Variants in GALNT7 observed in about 807,000 individuals in gnomAD.
GALNT7 encodes polypeptide N-acetylgalactosaminyltransferase 7, also known as N-acetylgalactosaminyltransferase 7.
GALNT7 carries 60 observed loss-of-function variants against 82.1 expected under a neutral mutation model. That is an observed-to-expected ratio of 0.73 (90% CI 0.59 to 0.91). GALNT7 has a LOEUF of 0.91. Ranked by LOEUF, GALNT7 falls within the 40% of genes least tolerant of loss-of-function variation. The pLI is 0.00. For missense variants in GALNT7, 660 were observed against 804.2 expected, an observed-to-expected ratio of 0.82 and a Z score of 2.17; for synonymous variants, 243 against 275.1, an observed-to-expected ratio of 0.88 and a Z score of 1.15.
chr4:173,310,119 T>C (rs542045777), intron 8 of GALNT7, among the ~76,000 whole-genome samples: 1 of 152,316 alleles, frequency 6.6e-6, no homozygotes, highest in African/African-American at 2.4e-5. Flanking sequence ...AGGGGGCCAG[T>C]GGCCAGGTCT....
At chr4:173,298,429 C>G in intron 6 of GALNT7, 132 bp downstream of exon 6, 1 of 645,920 alleles carries the variant, frequency 1.5e-6, no homozygotes, top group South Asian at 2.1e-5. Flanking sequence ...TCTTTCCTTA[C>G]ACTGTTTCAG....
At chr4:173,206,167 G>A (rs901439825) in intron 1 of GALNT7, among the ~76,000 whole-genome samples, 4 of 152,212 alleles carry the variant, frequency 2.6e-5, no homozygotes, top group African/African-American at 9.6e-5. Context: ...ATTGAGGCAA[G>A]CTTCATTTTG....
intron 6 of GALNT7, among the ~76,000 whole-genome samples, chr4:173,300,293 T>C (rs1321948030): frequency 6.6e-6 from 1 of 151,448 alleles, no homozygotes; most frequent in Non-Finnish European, 1.5e-5. Flanking sequence ...CAGTGAACAA[T>C]GATTGTGCCA....
In GALNT7 at chr4:173,168,854, T is replaced by C; in HGVS notation, c.19T>C (p.Phe7Leu). MRLKIG[F>L]ILRSLLVVGS... ...GAGGAAGATGAGGCTGAAGATTGGG[T>C]TCATCTTACGCAGTTTGCTGGTGGT... Residue 7 changes from phenylalanine (F) to leucine (L), a missense_variant, in exon 1 of 12, where the codon TTC becomes CTC. Coordinates refer to ENST00000265000, the MANE Select transcript of GALNT7 (RefSeq NM_017423.3). 6.2e-7 allele frequency: 1 copy of C among 1,612,262 alleles called. No homozygotes were observed. The highest frequency in any genetic ancestry group is 8.5e-7 in the Non-Finnish European group (1 of 1,179,010).
rs894433866 is a variant in GALNT7 at position 173,322,516 on chromosome 4, A to G, written c.*799A>G. On this transcript the variant is annotated 3_prime_UTR_variant, in exon 12 of 12. Transcript: ENST00000265000. ...CTGGCATTCCCAGTGCCCTCTGTCCATACCTACTTCTAGGATTGCAAAGGA... is the reference window on the plus strand; with the variant it reads ...CTGGCATTCCCAGTGCCCTCTGTCCGTACCTACTTCTAGGATTGCAAAGGA... The G allele has an allele frequency of 6.6e-6, 1 of 152,194 alleles. No individual in the cohort carries two copies. The highest frequency in any genetic ancestry group is 6.5e-5 in the Admixed American group (1 of 15,270). The allele number at this position is 152,194 out of a possible 1,614,324, so 9.4% of individuals were successfully genotyped here. A position where few individuals can be genotyped will look rare whatever the true frequency, so the allele number is the denominator to read the frequency against.
At chr4:173,183,968 G>C (rs1453517241) in intron 1 of GALNT7, among the ~76,000 whole-genome samples, 5 of 151,802 alleles carry the variant, frequency 3.3e-5, no homozygotes, top group Admixed American at 6.6e-5. Flanking sequence ...ACGGGGTCGC[G>C]GCCGGGCAGA....
Position 173,175,787 on chromosome 4 carries a change from T to C in GALNT7, c.126+6826T>C, listed in dbSNP as rs997472276. 6.6e-5 allele frequency among the ~76,000 whole-genome samples: 10 copies of C among 152,174 alleles called. No homozygotes were observed. The East Asian group carries it at 1.5e-3, about 24-fold the overall frequency. On this transcript the variant is annotated intron_variant, in intron 1 of 11. Coordinates refer to ENST00000265000, the MANE Select transcript of GALNT7 (RefSeq NM_017423.3). ...CTGTACATGGTAATATGAAAGAGAA[T>C]GGGAGGCTGGTGCGGTGGTTCATGC...
intron 2 of GALNT7, among the ~76,000 whole-genome samples, chr4:173,258,605 G>T (rs1343071035): frequency 6.6e-6 from 1 of 152,152 alleles, no homozygotes; most frequent in African/African-American, 2.4e-5. Flanking sequence ...AGTATGCTGG[G>T]TTTTTAAATG....
intron 2 of GALNT7, among the ~76,000 whole-genome samples, chr4:173,252,556 A>G (rs1227486648): frequency 1.3e-5 from 2 of 152,146 alleles, no homozygotes; most frequent in East Asian, 3.8e-4. Context: ...TTTGAATTAC[A>G]TTCACTGACT....
At chr4:173,259,656 G>T (rs1244597193) in intron 2 of GALNT7, among the ~76,000 whole-genome samples, 1 of 151,934 alleles carries the variant, frequency 6.6e-6, no homozygotes, top group Non-Finnish European at 1.5e-5. Flanking sequence ...TTGTTTTTGA[G>T]AGAGAGCGTC....
At chr4:173,300,587 A>G (rs944604953) in intron 6 of GALNT7, among the ~76,000 whole-genome samples, 2 of 151,766 alleles carry the variant, frequency 1.3e-5, no homozygotes, top group African/African-American at 4.8e-5. Flanking sequence ...GGAGGCTGGC[A>G]CGTTCCCGGT....
chr4:173,277,431 T>C (rs116688603), intron 2 of GALNT7, among the ~76,000 whole-genome samples: 2 of 152,342 alleles, frequency 1.3e-5, no homozygotes, highest in African/African-American at 4.8e-5. Flanking sequence ...TGCCTGACAA[T>C]GCAAGAGCCT....
At chr4:173,189,813 G>A (rs1457329257) in intron 1 of GALNT7, among the ~76,000 whole-genome samples, 1 of 152,126 alleles carries the variant, frequency 6.6e-6, no homozygotes, top group Non-Finnish European at 1.5e-5. Flanking sequence ...AATGGTACCT[G>A]CTGGGAAACA....
intron 1 of GALNT7, among the ~76,000 whole-genome samples, chr4:173,183,143 G>A (rs1406483463): frequency 4.6e-5 from 7 of 151,084 alleles, no homozygotes; most frequent in East Asian, 1.9e-4. Flanking sequence ...AAAGGTAACC[G>A]AACCTTTAAC....
At position 173,320,731 on chromosome 4, in the gene GALNT7, A is replaced by G. The variant is rs1431210286; in HGVS notation, c.1837-849A>G. Among the ~76,000 whole-genome samples the G allele has an allele frequency of 1.3e-5, 2 of 152,118 alleles. No homozygotes were observed. Among genetic ancestry groups the G allele is most frequent in the Non-Finnish European group, 2.9e-5 (2 of 68,026 alleles). ...CCAGTGTAGACTGATATCCTTGAGC[A>G]TTGTACCTCATTATATGGAAGTACT... On this transcript the variant is annotated intron_variant, in intron 11 of 11. Coordinates refer to ENST00000265000, the MANE Select transcript of GALNT7 (RefSeq NM_017423.3). This position sits in a 1 kb window ranked among gnomAD's most constrained non-coding sequence, Gnocchi z 4.1.
At chr4:173,319,593 A>G (rs549031199) in intron 11 of GALNT7, among the ~76,000 whole-genome samples, 1 of 152,294 alleles carries the variant, frequency 6.6e-6, no homozygotes, top group Non-Finnish European at 1.5e-5. Flanking sequence ...GCAAAATAGT[A>G]AAAGAGGGCT....
chr4:173,274,984 G>A (rs562899946), intron 2 of GALNT7, among the ~76,000 whole-genome samples: 6 of 152,256 alleles, frequency 3.9e-5, no homozygotes, highest in African/African-American at 1.4e-4. Flanking sequence ...AGGACCTGAC[G>A]CCTCTAATGT....
chr4:173,309,816 C>T (rs1737310787), intron 8 of GALNT7, among the ~76,000 whole-genome samples: 1 of 152,138 alleles, frequency 6.6e-6, no homozygotes, highest in Non-Finnish European at 1.5e-5. Flanking sequence ...TGTGATAAAA[C>T]AAAAATAGCA....
At chr4:173,171,505 A>G (rs934115256) in intron 1 of GALNT7, among the ~76,000 whole-genome samples, 1 of 152,212 alleles carries the variant, frequency 6.6e-6, no homozygotes, top group African/African-American at 2.4e-5. Context: ...TTGAACTATG[A>G]ATATGTCATA....
Sources: allele counts gnomAD v4.1 joint callset (sites outside exome capture counted in the v4.1 genomes callset), GRCh38; gene constraint gnomAD v4.1.1; non-coding constraint Gnocchi (gnomAD v3.1); transcripts MANE v1.5; gene names NCBI Gene and HGNC (gene_info 2026-07-23, HGNC 2026-07-21).